PTPRR: variants seen among roughly 807,000 people sequenced by gnomAD.
PTPRR encodes the protein receptor-type tyrosine-protein phosphatase R.
PTPRR carries 38 observed loss-of-function variants against 77.2 expected under a neutral mutation model. That is an observed-to-expected ratio of 0.49 (90% CI 0.38 to 0.65). PTPRR has a LOEUF of 0.65. PTPRR is among the 30% of genes least tolerant of loss of function. PTPRR has a pLI of 0.00. For synonymous variants in PTPRR, 299 were observed against 283.1 expected, an observed-to-expected ratio of 1.06 and a Z score of -0.57; for missense variants, 744 against 799.2, an observed-to-expected ratio of 0.93 and a Z score of 0.83.
intron 6 of PTPRR, among the ~76,000 whole-genome samples, chr12:70,737,486 A>ATATATCTATCTATCTATCTATC (rs1555171433): frequency 4.9e-5 from 7 of 144,140 alleles, no homozygotes; most frequent in African/African-American, 1.8e-4. Context: ...TATTTAATGA[A>ATATATCTATCTATCTATCTATC]TATCTATCTA....
At chr12:70,879,091 A>C (rs10879208) in intron 2 of PTPRR, among the ~76,000 whole-genome samples, 34 of 151,786 alleles carry the variant, frequency 2.2e-4, no homozygotes, top group African/African-American at 6.0e-4. Context: ...ATCACACACC[A>C]GGGCCTGTTG....
chr12:70,894,686 A>T (rs1893395832), intron 1 of PTPRR, among the ~76,000 whole-genome samples: 1 of 151,772 alleles, frequency 6.6e-6, no homozygotes, highest in Admixed American at 6.6e-5. Flanking sequence ...TCCATTGATA[A>T]AACAGTGGTA....
At chr12:70,872,044 T>C (rs2137092291) in intron 2 of PTPRR, among the ~76,000 whole-genome samples, 1 of 152,362 alleles carries the variant, frequency 6.6e-6, no homozygotes, top group East Asian at 1.9e-4. Context: ...ATAAATTTAG[T>C]AATCTTATTT....
At chr12:70,878,663 C>T (rs1183430612) in intron 2 of PTPRR, among the ~76,000 whole-genome samples, 2 of 152,176 alleles carry the variant, frequency 1.3e-5, no homozygotes, top group Non-Finnish European at 2.9e-5. Context: ...GGACTGTAAA[C>T]TAGTTCAACC....
chr12:70,801,209 T>C (rs1414994565), intron 2 of PTPRR, among the ~76,000 whole-genome samples: 1 of 152,188 alleles, frequency 6.6e-6, no homozygotes. Flanking sequence ...TGGAAACAGA[T>C]GGAGTTGGGC....
Position 70,810,856 on chromosome 12 carries a change from A to G in PTPRR, c.358-46078T>C, listed in dbSNP as rs114065700. Reference sequence around the variant, plus strand: ...GAGCCAATTACCTTTAAGACCTCATATGTAAGAAAAGCAAACCTAATTGAA... The same window carrying G: ...GAGCCAATTACCTTTAAGACCTCATGTGTAAGAAAAGCAAACCTAATTGAA... On this transcript the variant is annotated intron_variant, in intron 2 of 13. Transcript: ENST00000283228. Among the ~76,000 whole-genome samples the G allele has an allele frequency of 2.3e-3, 353 of 152,312 alleles. 2 individuals carry two copies. The highest frequency in any genetic ancestry group is 0.014 in the South Asian group (66 of 4,832).
intron 5 of PTPRR, among the ~76,000 whole-genome samples, chr12:70,750,357 A>G (rs945483838): frequency 6.6e-6 from 1 of 152,222 alleles, no homozygotes. Flanking sequence ...TATAAATATA[A>G]TCAATGCCAG....
At chr12:70,892,612 T>A (rs951425554) in intron 2 of PTPRR, 67 bp downstream of exon 2, 26 of 1,558,172 alleles carry the variant, frequency 1.7e-5, no homozygotes, top group Admixed American at 5.3e-5. Context: ...GTGTTTTTCT[T>A]TTTTCAAGCA....
Position 70,835,807 on chromosome 12 carries a change from G to A in PTPRR, c.357+56872C>T, listed in dbSNP as rs368406945. Among the ~76,000 whole-genome samples the A allele has an allele frequency of 2.6e-5, 4 of 152,196 alleles. No homozygotes were observed. The South Asian group carries it at 8.3e-4, about 32-fold the overall frequency. ...AATAAACATTTCATTATAAACATAAGTGGATTAATTGTTGGGGAAAGTGAG... is the reference window on the plus strand; with the variant it reads ...AATAAACATTTCATTATAAACATAAATGGATTAATTGTTGGGGAAAGTGAG... On this transcript the variant is annotated intron_variant, in intron 2 of 13. Transcript: ENST00000283228.
rs1413591632 is a variant in PTPRR, at chr12:70,732,087, T to C, written c.1007+13731A>G. Among the ~76,000 whole-genome samples the C allele has an allele frequency of 2.0e-5, 3 of 152,228 alleles. No homozygotes were observed. The East Asian group carries it at 5.8e-4, about 29-fold the overall frequency. On this transcript the variant is annotated intron_variant, in intron 6 of 13. Transcript: ENST00000283228. ...GTAGGGCTGACCATCCTCTGGAGAC[T>C]GACAAGATGAAGGATCCACATCTGA...
At chr12:70,645,006 A>G (rs1419802509) in intron 13 of PTPRR, among the ~76,000 whole-genome samples, 3 of 152,174 alleles carry the variant, frequency 2.0e-5, no homozygotes, top group African/African-American at 7.2e-5. Flanking sequence ...GACAAACGTC[A>G]TCGGGTTGTG....
At chr12:70,855,227 A>G (rs1446883119) in intron 2 of PTPRR, among the ~76,000 whole-genome samples, 1 of 152,178 alleles carries the variant, frequency 6.6e-6, no homozygotes, top group East Asian at 1.9e-4. Context: ...TTTTAAGAAA[A>G]TTACTGCGAT....
chr12:70,709,991 A>T (rs1888765372), intron 6 of PTPRR, among the ~76,000 whole-genome samples: 1 of 152,168 alleles, frequency 6.6e-6, no homozygotes, highest in Non-Finnish European at 1.5e-5. Flanking sequence ...TACCTGAATT[A>T]TCTCATTTAA....
intron 2 of PTPRR, among the ~76,000 whole-genome samples, chr12:70,891,034 C>T (rs907044084): frequency 2.0e-5 from 3 of 152,128 alleles, no homozygotes; most frequent in Non-Finnish European, 4.4e-5. Context: ...AACATTAGGA[C>T]TGGCAATTGG....
At chr12:70,785,332 A>ATTTCG (rs200669644) in intron 2 of PTPRR, among the ~76,000 whole-genome samples, 9,419 of 152,106 alleles carry the variant, frequency 0.062, 295 homozygotes, top group South Asian at 0.078. Flanking sequence ...TTTTTCCTTC[A>ATTTCG]TTAGTCTCTG....
intron 2 of PTPRR, among the ~76,000 whole-genome samples, chr12:70,813,515 T>C (rs1742555863): frequency 6.6e-6 from 1 of 152,198 alleles, no homozygotes; most frequent in African/African-American, 2.4e-5. Flanking sequence ...ATGTGAGAAG[T>C]TAGGAATTCC....
intron 2 of PTPRR, among the ~76,000 whole-genome samples, chr12:70,798,939 T>C (rs1891564746): frequency 6.6e-6 from 1 of 152,140 alleles, no homozygotes. Flanking sequence ...AGGTGCTCAA[T>C]AGATTTTTTG....
chr12:70,835,581 T>G (rs1025613962), intron 2 of PTPRR, among the ~76,000 whole-genome samples: 1 of 152,044 alleles, frequency 6.6e-6, no homozygotes, highest in African/African-American at 2.4e-5. Flanking sequence ...GAACACTGAT[T>G]AAAAACTGAC....
At chr12:70,710,391 A>C (rs1888782287) in intron 6 of PTPRR, among the ~76,000 whole-genome samples, 1 of 152,224 alleles carries the variant, frequency 6.6e-6, no homozygotes, top group African/African-American at 2.4e-5. Context: ...ATCATATACA[A>C]AAATTAACTC....
Sources: gnomAD v4.1 joint callset for allele counts (sites outside exome capture counted in the v4.1 genomes callset) on GRCh38, gnomAD v4.1.1 for gene constraint, MANE v1.5 for transcripts, NCBI Gene and HGNC (gene_info 2026-07-23, HGNC 2026-07-21) for gene names.